Variants in PLSCR5 observed in about 807,000 individuals in gnomAD.
PLSCR5 encodes the protein phospholipid scramblase family, member 5.
Under a neutral mutation model 33.6 loss-of-function variants are expected in PLSCR5, and 44 were observed. The ratio of observed to expected loss-of-function variants is 1.31; its 90% CI spans 1.03 to 1.69. PLSCR5 has a LOEUF of 1.69. Ranked by LOEUF, PLSCR5 falls within the 40% of genes most tolerant of loss-of-function variation. The pLI, the probability that PLSCR5 is intolerant of heterozygous loss-of-function variation, is 0.00. For synonymous variants in PLSCR5, 148 were observed against 112.3 expected (o/e 1.32, Z -2.01); for missense variants, 375 against 318.7 (o/e 1.18, Z -1.34).
intron 1 of PLSCR5, among the ~76,000 whole-genome samples, chr3:146,602,686 A>G (rs1297806126): frequency 6.6e-6 from 1 of 152,106 alleles, no homozygotes; most frequent in African/African-American, 2.4e-5. Context: ...ATTCTCTCTC[A>G]TTGTAAACTT....
At chr3:146,583,702 A>T (rs745592359), downstream of PLSCR5, among the ~76,000 whole-genome samples, 18 of 152,272 alleles carry the variant, frequency 1.2e-4, no homozygotes, top group Middle Eastern at 3.4e-3. Flanking sequence ...AATGCAGCCA[A>T]TTTTTAAATG....
In PLSCR5 at chr3:146,586,010, T is replaced by C. The variant is rs1251140251; in HGVS notation, c.*44+20A>G. The C allele has an allele frequency of 4.2e-5, 60 of 1,419,706 alleles. No individual in the cohort carries two copies. The highest frequency in any genetic ancestry group is 5.4e-5 in the Non-Finnish European group (58 of 1,070,886). The allele number at this position is 1,419,706 out of a possible 1,614,324, so 87.9% of individuals were successfully genotyped here. On this transcript the variant is annotated intron_variant, in intron 7 of 7. Coordinates refer to ENST00000443512, the MANE Select transcript of PLSCR5 (RefSeq NM_001085420.2). ...CATCTTCAAAGGGAAAGAGATCATT[T>C]AAACTTGCTTTTTACTTACTGAAAT...
At chr3:146,591,655 T>A in intron 5 of PLSCR5, 65 bp downstream of exon 5, 1 of 1,457,528 alleles carries the variant, frequency 6.9e-7, no homozygotes, top group Non-Finnish European at 9.3e-7. Context: ...CATAAAAAAA[T>A]TGAATTATGT....
At chr3:146,592,000 AATC>A in intron 4 of PLSCR5, 119 bp from the exon 5 acceptor site, 2 of 855,046 alleles carry the variant, frequency 2.3e-6, no homozygotes, top group Non-Finnish European at 3.5e-6. Flanking sequence ...ATATTCTACA[AATC>A]ATTCTAAATA....
At chr3:146,602,646 T>G (rs1312004016) in intron 1 of PLSCR5, among the ~76,000 whole-genome samples, 2 of 152,134 alleles carry the variant, frequency 1.3e-5, no homozygotes, top group Admixed American at 1.3e-4. Context: ...AGGGATTAAT[T>G]TCTAACAATA....
chr3:146,588,805 CA>C (rs2044686098), intron 6 of PLSCR5, among the ~76,000 whole-genome samples: 1 of 152,126 alleles, frequency 6.6e-6, no homozygotes, highest in Non-Finnish European at 1.5e-5. Context: ...TTAGGAAATG[CA>C]CACTAATATA....
intron 6 of PLSCR5, among the ~76,000 whole-genome samples, chr3:146,587,193 C>T (rs1682914299): frequency 6.6e-6 from 1 of 152,130 alleles, no homozygotes; most frequent in South Asian, 2.1e-4. Context: ...TTTGAGCGAG[C>T]TTCTAGGTGG....
At chr3:146,601,566 A>C (rs1380497720) in intron 1 of PLSCR5, among the ~76,000 whole-genome samples, 1 of 151,974 alleles carries the variant, frequency 6.6e-6, no homozygotes, top group African/African-American at 2.4e-5. Context: ...TCCTAAAGAC[A>C]TACAAAAGAG....
downstream of PLSCR5, among the ~76,000 whole-genome samples, chr3:146,585,269 C>T (rs767984380): frequency 3.4e-4 from 52 of 151,974 alleles, no homozygotes; most frequent in Admixed American, 9.8e-4. Flanking sequence ...TTTTCAGAGC[C>T]TTAGATCCCT....
At chr3:146,590,643 T>G (rs1446210894) in intron 5 of PLSCR5, among the ~76,000 whole-genome samples, 2 of 152,112 alleles carry the variant, frequency 1.3e-5, no homozygotes, top group African/African-American at 4.8e-5. Flanking sequence ...TTCTATAGCA[T>G]GAATGCTAAA....
At position 146,577,113 on chromosome 3, in the gene PLSCR5, C is replaced by T. The variant is rs544719344; in HGVS notation, c.*45-388G>A. ...TAGCTATGTTATTTAAACATTTAGCCTGGGTTAAAAGTCAACATACGATAA... is the reference window on the plus strand; with the variant it reads ...TAGCTATGTTATTTAAACATTTAGCTTGGGTTAAAAGTCAACATACGATAA... On this transcript the variant is annotated intron_variant, in intron 7 of 7. Coordinates refer to the PLSCR5 transcript ENST00000482567. Among the ~76,000 whole-genome samples, 15 of 152,084 alleles carry T rather than the reference C, an allele frequency of 9.9e-5. 1 individual carries two copies. Among genetic ancestry groups the T allele is most frequent in the African/African-American group, 3.6e-4 (15 of 41,506 alleles).
intron 2 of PLSCR5, among the ~76,000 whole-genome samples, chr3:146,599,913 C>T (rs1217443459): frequency 6.6e-6 from 1 of 151,984 alleles, no homozygotes; most frequent in Non-Finnish European, 1.5e-5. Flanking sequence ...ATCCACATGC[C>T]ATGGGCTCCC....
At chr3:146,585,335 G>T (rs2044658802), downstream of PLSCR5, among the ~76,000 whole-genome samples, 1 of 151,988 alleles carries the variant, frequency 6.6e-6, no homozygotes, top group South Asian at 2.1e-4. Context: ...CAACACTGCA[G>T]GTCTTAGAGG....
Position 146,589,937 on chromosome 3 carries a change from C to T in PLSCR5, c.616-123G>A, listed in dbSNP as rs1193049111. Reference sequence around the variant, plus strand: ...ATTTGTCATCTTCAAAATGACAATTCCATGTTATTCATTCCATCATATAAG... The same window carrying T: ...ATTTGTCATCTTCAAAATGACAATTTCATGTTATTCATTCCATCATATAAG... On this transcript the variant is annotated intron_variant, in intron 5 of 7. Transcript: ENST00000443512. 9 of 590,104 alleles carry T rather than the reference C, an allele frequency of 1.5e-5. No homozygotes were observed. In the East Asian group the frequency reaches 2.7e-4, roughly 18 times the overall value. The allele number at this position is 590,104 out of a possible 1,614,324, so 36.6% of individuals were successfully genotyped here. A position where few individuals can be genotyped will look rare whatever the true frequency, so the allele number is the denominator to read the frequency against.
downstream of PLSCR5, among the ~76,000 whole-genome samples, chr3:146,583,373 A>G (rs1196768021): frequency 2.0e-5 from 3 of 152,154 alleles, no homozygotes. Flanking sequence ...TTTTCCCAGT[A>G]AACACAGTAA....
At chr3:146,583,330 G>A (rs929671197), downstream of PLSCR5, among the ~76,000 whole-genome samples, 3 of 152,174 alleles carry the variant, frequency 2.0e-5, no homozygotes, top group Non-Finnish European at 4.4e-5. Flanking sequence ...TTAAATGAAT[G>A]AATGAATGAG....
At position 146,589,765 on chromosome 3, in the gene PLSCR5, C is replaced by T. The variant is rs776399617; in HGVS notation, c.665G>A (p.Trp222Ter). 4 of 1,586,758 alleles carry T rather than the reference C, an allele frequency of 2.5e-6. No individual in the cohort carries two copies. Among genetic ancestry groups the T allele is most frequent in the African/African-American group, 2.7e-5 (2 of 74,272 alleles). ...KLTIGKISKY[W>*]SGFVNDVFTN... is the part of the protein sequence containing the mutation. ...GAAGACATCATTTACAAATCCTGAC[C>T]AGTACTTTGAAATCTTCCCAATTGT... Residue 222 changes from tryptophan (W) to a stop codon, truncating the protein, a stop_gained, in exon 6 of 8, where the codon TGG becomes TAG. Coordinates refer to ENST00000443512, the MANE Select transcript of PLSCR5 (RefSeq NM_001085420.2). LOFTEE classifies it high-confidence loss of function.
chr3:146,580,087 T>C (rs2044623441), intron 7 of PLSCR5, among the ~76,000 whole-genome samples: 1 of 152,214 alleles, frequency 6.6e-6, no homozygotes, highest in African/African-American at 2.4e-5. Flanking sequence ...CCTTAAATGG[T>C]ATTGAATGCT....
At chr3:146,601,681 C>T (rs976798254) in intron 1 of PLSCR5, among the ~76,000 whole-genome samples, 2 of 152,014 alleles carry the variant, frequency 1.3e-5, no homozygotes, top group South Asian at 2.1e-4. Flanking sequence ...AAAATTGAAG[C>T]GGAATCCATA....
Sources: gnomAD v4.1 joint callset for allele counts (sites outside exome capture counted in the v4.1 genomes callset) on GRCh38, gnomAD v4.1.1 for gene constraint, MANE v1.5 for transcripts, NCBI Gene and HGNC (gene_info 2026-07-23, HGNC 2026-07-21) for gene names.